CCDC12: variants seen among roughly 807,000 people sequenced by gnomAD.
CCDC12 encodes the protein coiled-coil domain-containing protein 12.
CCDC12 carries 28 observed loss-of-function variants against 25.7 expected under a neutral mutation model. The observed-to-expected ratio is 1.09, with a 90% confidence interval of 0.81 to 1.50. The LOEUF (loss-of-function observed/expected upper bound fraction) is 1.50. Ranked by LOEUF, CCDC12 falls within the 40% of genes most tolerant of loss-of-function variation. The pLI is 0.00. For missense variants in CCDC12, 198 were observed against 210.0 expected (o/e 0.94, Z 0.35); for synonymous variants, 75 against 87.7 (o/e 0.86, Z 0.81).
chr3:46,979,841 G>A (rs765842729), upstream of CCDC12: 40 of 436,498 alleles, frequency 9.2e-5, no homozygotes, highest in South Asian at 1.8e-3. Flanking sequence ...GCGCGCAGCA[G>A]GGCCGGAGCC....
intron 1 of CCDC12, among the ~76,000 whole-genome samples, chr3:46,975,049 T>C (rs553696981): frequency 3.4e-4 from 52 of 152,286 alleles, no homozygotes; most frequent in African/African-American, 1.1e-3. Flanking sequence ...CTCCATTACG[T>C]TGGAAAGATG....
intron 2 of CCDC12, among the ~76,000 whole-genome samples, chr3:46,933,632 T>C (rs1031608954): frequency 6.6e-6 from 1 of 152,136 alleles, no homozygotes; most frequent in Non-Finnish European, 1.5e-5. Context: ...AGTTTGAACT[T>C]TGCACCCATC....
chr3:46,954,080 C>T (rs1207106157), intron 1 of CCDC12, among the ~76,000 whole-genome samples: 1 of 147,752 alleles, frequency 6.8e-6, no homozygotes, highest in African/African-American at 2.5e-5. Context: ...GTGTGGCACC[C>T]AGAAACCCCT....
chr3:46,921,906 G>A lies in CCDC12; in HGVS notation c.*151C>T. On this transcript the variant is annotated 3_prime_UTR_variant, in exon 7 of 7. Coordinates refer to ENST00000683445, the MANE Select transcript of CCDC12 (RefSeq NM_001277074.2). Reference sequence around the variant, plus strand: ...GGGGCCACCCAGCAGACAAGGAGCTGACCTCATCCATGGGGGTTTCAGACT... The same window carrying A: ...GGGGCCACCCAGCAGACAAGGAGCTAACCTCATCCATGGGGGTTTCAGACT... 1 of 761,528 alleles carries A rather than the reference G, an allele frequency of 1.3e-6. No individual in the cohort carries two copies. The highest frequency in any genetic ancestry group is 2.1e-6 in the Non-Finnish European group (1 of 468,892). 47.2% of individuals were successfully genotyped at this position (761,528 alleles called of 1,614,324 possible).
At chr3:46,935,287 G>T (rs1363373132) in intron 2 of CCDC12, among the ~76,000 whole-genome samples, 1 of 152,142 alleles carries the variant, frequency 6.6e-6, no homozygotes, top group Non-Finnish European at 1.5e-5. Flanking sequence ...TGGGAGGTCG[G>T]GACTTGCTTG....
intron 2 of CCDC12, among the ~76,000 whole-genome samples, chr3:46,933,269 T>C (rs576806016): frequency 1.7e-3 from 254 of 152,318 alleles, no homozygotes; most frequent in Non-Finnish European, 3.0e-3. Context: ...ATTACAATTT[T>C]AGGTCACAGG....
At chr3:46,927,106 G>A (rs1470848424) in intron 2 of CCDC12, among the ~76,000 whole-genome samples, 1 of 152,184 alleles carries the variant, frequency 6.6e-6, no homozygotes, top group Non-Finnish European at 1.5e-5. Context: ...CCTGAGCCTG[G>A]AGCCTTGGGG....
At chr3:46,949,715 G>A (rs150170075) in intron 1 of CCDC12, among the ~76,000 whole-genome samples, 19 of 152,282 alleles carry the variant, frequency 1.2e-4, no homozygotes, top group African/African-American at 3.1e-4. Flanking sequence ...ACAGGGTCCC[G>A]CATGACCCTG....
At chr3:46,944,019 A>T (rs1340166732) in intron 1 of CCDC12, among the ~76,000 whole-genome samples, 2 of 152,174 alleles carry the variant, frequency 1.3e-5, no homozygotes, top group African/African-American at 2.4e-5. Flanking sequence ...CCTGAATCAC[A>T]AGATAAGGCC....
intron 1 of CCDC12, among the ~76,000 whole-genome samples, chr3:46,972,685 G>C (rs2034839897): frequency 6.6e-6 from 1 of 151,168 alleles, no homozygotes; most frequent in South Asian, 2.1e-4. Context: ...TGTAATCCTA[G>C]CATTTTTGGA....
chr3:46,948,918 TG>T (rs2034009160), intron 1 of CCDC12, among the ~76,000 whole-genome samples: 1 of 85,880 alleles, frequency 1.2e-5, no homozygotes, highest in African/African-American at 4.0e-5. Flanking sequence ...AAATACTGAC[TG>T]GCTCCCCTGT....
chr3:46,976,403 A>C, intron 1 of CCDC12: 1 of 1,411,254 alleles, frequency 7.1e-7, no homozygotes, highest in Non-Finnish European at 9.2e-7. Flanking sequence ...GTCGCTGACC[A>C]CTGCCTTGCC....
chr3:46,940,890 G>A, intron 2 of CCDC12, 108 bp downstream of exon 2: 1 of 1,047,386 alleles, frequency 9.5e-7, no homozygotes, highest in Non-Finnish European at 1.5e-6. Context: ...AGAAAGAAGA[G>A]GGGAGGGAAC....
rs532373343 is a variant in CCDC12 at position 46,976,654 on chromosome 3, C to T, written c.79G>A (p.Glu27Lys). 5.0e-6 allele frequency: 8 copies of T among 1,611,318 alleles called. No individual in the cohort carries two copies. In the South Asian group the frequency reaches 7.7e-5, roughly 16 times the overall value. The change falls in exon 1 of 7, where the codon GAG becomes AAG. Residue 27 changes from glutamate to lysine, a missense_variant. Coordinates refer to ENST00000683445, the MANE Select transcript of CCDC12 (RefSeq NM_001277074.2). ...CTTCTCACCTTGCGCCCGGTTTTCT[C>T]CCGTAGGGCCTTCAGCCGTTCCTTT... Reference protein sequence around the residue: ...RRKERLKALREKTGRKDKEDG... With the variant: ...RRKERLKALRKKTGRKDKEDG...
chr3:46,954,241 A>G (rs1386120885), intron 1 of CCDC12, among the ~76,000 whole-genome samples: 1 of 152,190 alleles, frequency 6.6e-6, no homozygotes. Flanking sequence ...GGCCTGTAGA[A>G]CAAAAGAAGG....
At chr3:46,936,183 A>G (rs1467902877) in intron 2 of CCDC12, among the ~76,000 whole-genome samples, 2 of 152,184 alleles carry the variant, frequency 1.3e-5, no homozygotes, top group East Asian at 1.9e-4. Context: ...AAATGAGACC[A>G]CTCAGCTTAT....
chr3:46,948,299 T>C (rs748744296), intron 1 of CCDC12, among the ~76,000 whole-genome samples: 7 of 152,190 alleles, frequency 4.6e-5, no homozygotes, highest in Non-Finnish European at 8.8e-5. Context: ...TGTGGGTTCA[T>C]GTGTTCCCTA....
At chr3:46,943,230 G>A (rs1247578186) in intron 1 of CCDC12, among the ~76,000 whole-genome samples, 1 of 152,160 alleles carries the variant, frequency 6.6e-6, no homozygotes, top group Non-Finnish European at 1.5e-5. Flanking sequence ...GCTGGGACCT[G>A]GACGGGGCTT....
chr3:46,958,593 G>A (rs2034371073), intron 1 of CCDC12, among the ~76,000 whole-genome samples: 1 of 152,166 alleles, frequency 6.6e-6, no homozygotes, highest in South Asian at 2.1e-4. Flanking sequence ...TGGAACAAAC[G>A]CATCCAGCAC....
Sources: allele counts gnomAD v4.1 joint callset (sites outside exome capture counted in the v4.1 genomes callset), GRCh38; gene constraint gnomAD v4.1.1; transcripts MANE v1.5; gene names NCBI Gene and HGNC (gene_info 2026-07-23, HGNC 2026-07-21).